Variants in SGCD observed in about 807,000 individuals in gnomAD.
The protein encoded by SGCD is delta-sarcoglycan.
A neutral mutation model predicts 36.6 loss-of-function variants in SGCD; 18 were observed. The ratio of observed to expected loss-of-function variants is 0.49; its 90% CI spans 0.34 to 0.73. The LOEUF is 0.73. SGCD is among the 30% of genes least tolerant of loss of function. The pLI, the probability that SGCD is intolerant of heterozygous loss-of-function variation, is 0.01. For synonymous variants in SGCD, 133 were observed against 130.6 expected, an observed-to-expected ratio of 1.02 and a Z score of -0.12; for missense variants, 387 against 346.7, an observed-to-expected ratio of 1.12 and a Z score of -0.92.
At chr5:156,580,040 A>G (rs11135286) in intron 4 of SGCD, among the ~76,000 whole-genome samples, 16,801 of 152,178 alleles carry the variant, frequency 0.11, 1,277 homozygotes, top group African/African-American at 0.22. Context: ...ATGTTTTTGC[A>G]GTGGCTGGTA....
At chr5:156,001,947 T>C (rs1054174283) in intron 1 of SGCD, among the ~76,000 whole-genome samples, 4 of 152,206 alleles carry the variant, frequency 2.6e-5, no homozygotes, top group Non-Finnish European at 5.9e-5. Context: ...AAAATATTAC[T>C]GGTTTACCTC....
chr5:156,552,134 G>A (rs1236814982), intron 4 of SGCD, among the ~76,000 whole-genome samples: 4 of 152,148 alleles, frequency 2.6e-5, no homozygotes, highest in East Asian at 1.9e-4. Context: ...GAGCATCAGC[G>A]AGAACTCCCA....
At chr5:156,728,012 C>A (rs190452327) in intron 7 of SGCD, among the ~76,000 whole-genome samples, 221 of 152,280 alleles carry the variant, frequency 1.5e-3, no homozygotes, top group African/African-American at 5.1e-3. Flanking sequence ...ACATTAAATA[C>A]CTCAATTATC....
chr5:156,231,132 T>C (rs974107081), intron 3 of SGCD, among the ~76,000 whole-genome samples: 5 of 152,214 alleles, frequency 3.3e-5, no homozygotes, highest in Admixed American at 1.3e-4. Flanking sequence ...AAAAATCTAG[T>C]TGGGTGGTTT....
chr5:156,076,604 T>A (rs888350058), intron 1 of SGCD, among the ~76,000 whole-genome samples: 1 of 152,216 alleles, frequency 6.6e-6, no homozygotes, highest in Non-Finnish European at 1.5e-5. Context: ...AAGTTTGATA[T>A]CTGATATTTC....
chr5:156,448,731 CTTTTTTTTTTTTTTTTTTTT>C (rs1158844774), intron 3 of SGCD, among the ~76,000 whole-genome samples: 10 of 76,018 alleles, frequency 1.3e-4, no homozygotes, highest in Non-Finnish European at 2.4e-4. Context: ...TTTTCTTTTT[CTTTTTTTTTTTTTTTTTTTT>C]TTTTTTTTGA....
At chr5:156,121,990 G>A (rs1762052943) in intron 2 of SGCD, among the ~76,000 whole-genome samples, 1 of 152,068 alleles carries the variant, frequency 6.6e-6, no homozygotes, top group Admixed American at 6.6e-5. Flanking sequence ...GCTTTTGTTT[G>A]CTAGCTTCCC....
chr5:156,417,183 A>AT (rs1164330913), intron 3 of SGCD, among the ~76,000 whole-genome samples: 1 of 152,084 alleles, frequency 6.6e-6, no homozygotes, highest in Non-Finnish European at 1.5e-5. Context: ...TTTTGATTGA[A>AT]TTTTTTCATC....
chr5:156,729,596 A>G (rs1042545279), intron 7 of SGCD, among the ~76,000 whole-genome samples: 1 of 152,230 alleles, frequency 6.6e-6, no homozygotes, highest in African/African-American at 2.4e-5. Context: ...TATCATCATT[A>G]TCTTTTCTAT....
chr5:155,951,322 C>G (rs1757543497), intron 1 of SGCD, among the ~76,000 whole-genome samples: 1 of 152,086 alleles, frequency 6.6e-6, no homozygotes, highest in South Asian at 2.1e-4. Flanking sequence ...ATGGCACATT[C>G]ACATAATGGA....
At chr5:156,217,256 T>G (rs1283955320) in intron 3 of SGCD, among the ~76,000 whole-genome samples, 1 of 152,220 alleles carries the variant, frequency 6.6e-6, no homozygotes, top group African/African-American at 2.4e-5. Flanking sequence ...AGTGTCTTAG[T>G]GTTAGACTGA....
Position 156,134,730 on chromosome 5 carries a change from G to A in SGCD, c.-44+10711G>A, listed in dbSNP as rs144654549. 4.9e-3 allele frequency among the ~76,000 whole-genome samples: 742 copies of A among 151,808 alleles called. 5 individuals carry two copies. The highest frequency in any genetic ancestry group is 0.017 in the African/African-American group (718 of 41,350). ...GGAGGGGGGAGGGATAGCATTAGGA[G>A]ATATACCTAATATAAATGATGAGTT... On this transcript the variant is annotated intron_variant, in intron 3 of 9. Transcript: ENST00000517913.
intron 1 of SGCD, among the ~76,000 whole-genome samples, chr5:155,957,875 G>T (rs1757695756): frequency 6.6e-6 from 1 of 152,140 alleles, no homozygotes; most frequent in Non-Finnish European, 1.5e-5. Context: ...GCCTACTACA[G>T]ATGGAAACAT....
chr5:155,979,555 G>A (rs1758184637), intron 1 of SGCD, among the ~76,000 whole-genome samples: 1 of 152,200 alleles, frequency 6.6e-6, no homozygotes, highest in Non-Finnish European at 1.5e-5. Flanking sequence ...GTTGGGCTGG[G>A]ATGCAGTTTC....
At chr5:155,818,735 G>A in the SGCD span, among the ~76,000 whole-genome samples, 1 of 152,026 alleles carries the variant, frequency 6.6e-6, no homozygotes, top group Non-Finnish European at 1.5e-5. Flanking sequence ...TGCCCAGACT[G>A]GTCTTGAACT....
At chr5:156,568,939 T>A (rs1486373001) in intron 4 of SGCD, among the ~76,000 whole-genome samples, 1 of 152,254 alleles carries the variant, frequency 6.6e-6, no homozygotes, top group African/African-American at 2.4e-5. Context: ...TTATTATGTA[T>A]GTACACCAAT....
intron 3 of SGCD, among the ~76,000 whole-genome samples, chr5:156,375,758 T>C (rs1179553241): frequency 5.3e-5 from 8 of 152,308 alleles, no homozygotes; most frequent in African/African-American, 7.2e-5. Flanking sequence ...AAGGAGACTG[T>C]ATTATTTTTT....
At chr5:155,934,299 A>G (rs1757154545) in intron 1 of SGCD, among the ~76,000 whole-genome samples, 1 of 152,220 alleles carries the variant, frequency 6.6e-6, no homozygotes, top group Non-Finnish European at 1.5e-5. Context: ...ATGAGCAGCA[A>G]GCCGTGAAAA....
chr5:155,872,087 T>A (rs1051900824), intron 1 of SGCD, among the ~76,000 whole-genome samples: 1 of 152,078 alleles, frequency 6.6e-6, no homozygotes, highest in Admixed American at 6.6e-5. Context: ...CTGAGAAAGG[T>A]GGAGGGCTGT....
Sources: allele counts gnomAD v4.1 joint callset (sites outside exome capture counted in the v4.1 genomes callset), GRCh38; gene constraint gnomAD v4.1.1; transcripts MANE v1.5; gene names NCBI Gene and HGNC (gene_info 2026-07-23, HGNC 2026-07-21).